MAGI2: variants seen among roughly 807,000 people sequenced by gnomAD.
The protein encoded by MAGI2 is membrane-associated guanylate kinase, WW and PDZ domain-containing protein 2.
Under a neutral mutation model 133.3 loss-of-function variants are expected in MAGI2, and 35 were observed. The ratio of observed to expected loss-of-function variants is 0.26; its 90% CI spans 0.20 to 0.35. MAGI2 has a LOEUF of 0.35. Among genes scored for constraint, MAGI2 ranks in the 10% least tolerant of loss-of-function variants. The probability of loss-of-function intolerance (pLI) is 1.00; values close to 1 mark genes in which losing one functional copy is unlikely to be tolerated. For synonymous variants in MAGI2, 729 were observed against 710.6 expected, an observed-to-expected ratio of 1.03 and a Z score of -0.41; for missense variants, 1,636 against 1,863.4, an observed-to-expected ratio of 0.88 and a Z score of 2.25.
chr7:78,535,714 C>T (rs1797831120), intron 3 of MAGI2, among the ~76,000 whole-genome samples: 1 of 152,206 alleles, frequency 6.6e-6, no homozygotes, highest in Non-Finnish European at 1.5e-5. Context: ...ACTGTCTTTG[C>T]AGGACTAACA....
intron 1 of MAGI2, among the ~76,000 whole-genome samples, chr7:79,123,692 A>G (rs1230633685): frequency 6.8e-6 from 1 of 147,896 alleles, no homozygotes; most frequent in African/African-American, 2.5e-5. Context: ...AGACTGAGGC[A>G]GGAGAATCGC....
At chr7:78,123,882 C>T (rs1820707636) in intron 20 of MAGI2, among the ~76,000 whole-genome samples, 1 of 152,170 alleles carries the variant, frequency 6.6e-6, no homozygotes. Flanking sequence ...ATCTACATTT[C>T]TACCAAGTTT....
intron 9 of MAGI2, among the ~76,000 whole-genome samples, chr7:78,281,580 T>C (rs1795585944): frequency 6.6e-6 from 1 of 152,288 alleles, no homozygotes; most frequent in South Asian, 2.1e-4. Flanking sequence ...CTTTAGAAAT[T>C]ACCCAGTCTC....
intron 10 of MAGI2, among the ~76,000 whole-genome samples, chr7:78,235,850 T>C (rs545286739): frequency 2.6e-4 from 40 of 152,278 alleles, no homozygotes; most frequent in African/African-American, 9.4e-4. Flanking sequence ...CTGGGGTTTT[T>C]TTTACATAGT....
At chr7:78,032,412 G>A (rs539875793) in intron 21 of MAGI2, among the ~76,000 whole-genome samples, 18 of 152,022 alleles carry the variant, frequency 1.2e-4, no homozygotes, top group Non-Finnish European at 1.9e-4. Flanking sequence ...ATGGGGTTTC[G>A]TCATGTTGCC....
chr7:78,301,359 A>T (rs145573273), intron 9 of MAGI2, among the ~76,000 whole-genome samples: 53 of 152,324 alleles, frequency 3.5e-4, no homozygotes, highest in Non-Finnish European at 6.0e-4. Flanking sequence ...TCCCCAACAA[A>T]ATGTCTCTGA....
intron 1 of MAGI2, among the ~76,000 whole-genome samples, chr7:79,303,216 G>T (rs1360934353): frequency 3.3e-5 from 5 of 152,036 alleles, no homozygotes; most frequent in Admixed American, 3.3e-4. Context: ...ACACTATTCA[G>T]GTGACCCATG....
At chr7:79,015,505 G>A (rs1808611387) in intron 1 of MAGI2, among the ~76,000 whole-genome samples, 1 of 152,046 alleles carries the variant, frequency 6.6e-6, no homozygotes, top group African/African-American at 2.4e-5. Flanking sequence ...ATTTTACAAT[G>A]GAAACACAAA....
intron 1 of MAGI2, among the ~76,000 whole-genome samples, chr7:79,174,409 G>A (rs866408358): frequency 9.6e-4 from 146 of 152,112 alleles, no homozygotes; most frequent in African/African-American, 3.1e-3. Context: ...TTATTTGCAC[G>A]TCTGAATTCA....
At chr7:78,202,573 C>A (rs929378863) in intron 10 of MAGI2, among the ~76,000 whole-genome samples, 2 of 146,580 alleles carry the variant, frequency 1.4e-5, no homozygotes, top group African/African-American at 5.1e-5. Flanking sequence ...ATCCCAGCTA[C>A]TTGGGAGGCT....
Position 79,122,759 on chromosome 7 carries a change from C to T in MAGI2, c.302-115553G>A, listed in dbSNP as rs950623842. ...TCCTGAGTTCAAGCGATTCTTCCAC[C>T]TCAGCCACTGCAACCTCCACCTCCC... is the stretch of plus-strand genomic sequence containing the variant. On this transcript the variant is annotated intron_variant, in intron 1 of 21. Coordinates refer to ENST00000354212, the MANE Select transcript of MAGI2 (RefSeq NM_012301.4). Among the ~76,000 whole-genome samples the T allele has an allele frequency of 1.2e-4, 18 of 151,950 alleles. 1 individual carries two copies. The highest frequency in any genetic ancestry group is 9.2e-4 in the Admixed American group (14 of 15,228).
chr7:79,089,550 G>T (rs1391569055), intron 1 of MAGI2, among the ~76,000 whole-genome samples: 1 of 151,658 alleles, frequency 6.6e-6, no homozygotes, highest in African/African-American at 2.4e-5. Context: ...ACTTTGAACC[G>T]ACCCAAATGT....
intron 1 of MAGI2, among the ~76,000 whole-genome samples, chr7:79,275,565 C>T (rs1004111909): frequency 6.6e-6 from 1 of 152,130 alleles, no homozygotes; most frequent in East Asian, 1.9e-4. Flanking sequence ...GATGCAGCTA[C>T]GATCATTCAT....
chr7:78,236,108 A>T (rs1181592965), intron 10 of MAGI2, among the ~76,000 whole-genome samples: 1 of 150,378 alleles, frequency 6.6e-6, no homozygotes, highest in East Asian at 2.0e-4. Flanking sequence ...TTTGTGGGTT[A>T]ATGTATAGGG....
intron 10 of MAGI2, among the ~76,000 whole-genome samples, chr7:78,243,548 T>C (rs1791418154): frequency 6.6e-6 from 1 of 152,172 alleles, no homozygotes; most frequent in South Asian, 2.1e-4. Context: ...TCTGGGTTCT[T>C]AATTTTCTGC....
chr7:78,547,636 T>G, intron 3 of MAGI2, among the ~76,000 whole-genome samples: 1 of 152,150 alleles, frequency 6.6e-6, no homozygotes, highest in Non-Finnish European at 1.5e-5. Flanking sequence ...AGGATGCCAT[T>G]CTATCACAAG....
chr7:78,912,615 T>A (rs1347351420), intron 2 of MAGI2, among the ~76,000 whole-genome samples: 1 of 152,000 alleles, frequency 6.6e-6, no homozygotes, highest in Non-Finnish European at 1.5e-5. Flanking sequence ...GGACTCCAAG[T>A]TCTTCAGTTT....
At chr7:79,311,564 C>T (rs908029343) in intron 1 of MAGI2, among the ~76,000 whole-genome samples, 1 of 151,938 alleles carries the variant, frequency 6.6e-6, no homozygotes. Flanking sequence ...CCTTCTCCTC[C>T]CACCACCTGC....
intron 3 of MAGI2, among the ~76,000 whole-genome samples, chr7:78,587,651 C>A (rs1274212779): frequency 6.6e-6 from 1 of 152,174 alleles, no homozygotes; most frequent in East Asian, 1.9e-4. Flanking sequence ...GACGCTCGTG[C>A]CATTTGATTA....
Sources: allele counts gnomAD v4.1 joint callset (sites outside exome capture counted in the v4.1 genomes callset), GRCh38; gene constraint gnomAD v4.1.1; transcripts MANE v1.5; gene names NCBI Gene and HGNC (gene_info 2026-07-23, HGNC 2026-07-21).